The following HDAC1 variants were observed in gnomAD, a reference collection of about 807,000 sequenced individuals.
HDAC1 encodes the protein protein deacetylase HDAC1.
Under a neutral mutation model 65.5 loss-of-function variants are expected in HDAC1, and 18 were observed. The observed-to-expected ratio is 0.27, with a 90% CI of 0.19 to 0.41. The LOEUF (loss-of-function observed/expected upper bound fraction) is 0.41. HDAC1 is among the 10% of genes least tolerant of loss of function. HDAC1 has a pLI of 1.00. For missense variants in HDAC1, 373 were observed against 625.2 expected, an observed-to-expected ratio of 0.60 and a Z score of 4.30; for synonymous variants, 211 against 227.9, an observed-to-expected ratio of 0.93 and a Z score of 0.67.
chr1:32,322,657 C>T (rs1054711611), intron 3 of HDAC1, among the ~76,000 whole-genome samples: 2 of 152,204 alleles, frequency 1.3e-5, no homozygotes, highest in Non-Finnish European at 2.9e-5. Context: ...GCTTTCCTTC[C>T]TGTTTTCATT....
In HDAC1 at chr1:32,332,691, T is replaced by G. The variant is rs1173018637; in HGVS notation, c.1373-10T>G. 6.4e-7 allele frequency: 1 copy of G among 1,553,150 alleles called. No homozygotes were observed. The highest frequency in any genetic ancestry group is 8.7e-7 in the Non-Finnish European group (1 of 1,147,478). ...CTGCCCTTGGCCATCCCTGTACTCT[T>G]GTGTTCTAGAAGTCACCGAAGAGGA... On this transcript the variant is annotated splice_polypyrimidine_tract_variant and intron_variant, in intron 12 of 13. Coordinates refer to ENST00000373548, the MANE Select transcript of HDAC1 (RefSeq NM_004964.3).
chr1:32,333,162 T>A lies in HDAC1; in HGVS notation c.*118T>A. The A allele has an allele frequency of 1.1e-6, 1 of 880,554 alleles. No individual in the cohort carries two copies. The highest frequency in any genetic ancestry group is 2.0e-5 in the South Asian group (1 of 51,272). 54.5% of individuals were successfully genotyped at this position (880,554 alleles called of 1,614,324 possible). On this transcript the variant is annotated 3_prime_UTR_variant, in exon 14 of 14. Coordinates refer to ENST00000373548, the MANE Select transcript of HDAC1 (RefSeq NM_004964.3). Reference sequence around the variant, plus strand: ...TATAAAAATTTATTAAATATAAATATCCCCAGGGACAGAAACCAAGGCCCC... The same window carrying A: ...TATAAAAATTTATTAAATATAAATAACCCCAGGGACAGAAACCAAGGCCCC...
At chr1:32,305,606 C>CTT (rs796787096) in intron 2 of HDAC1, among the ~76,000 whole-genome samples, 4 of 134,592 alleles carry the variant, frequency 3.0e-5, no homozygotes, top group East Asian at 4.3e-4. Flanking sequence ...CATTGGTTGT[C>CTT]TTTTTTTTTT....
chr1:32,296,317 T>A (rs552483606), intron 1 of HDAC1, among the ~76,000 whole-genome samples: 3 of 152,094 alleles, frequency 2.0e-5, no homozygotes, highest in Non-Finnish European at 2.9e-5. Flanking sequence ...AGAAGCTAGA[T>A]TGTGGTAGAT....
chr1:32,313,906 G>A (rs1641023850), intron 2 of HDAC1, among the ~76,000 whole-genome samples: 1 of 152,194 alleles, frequency 6.6e-6, no homozygotes, highest in Non-Finnish European at 1.5e-5. Context: ...CTTGTGTTGA[G>A]CTGCGGGACA....
Position 32,329,209 on chromosome 1 carries a change from C to A in HDAC1, c.729+49C>A. 1 of 1,143,596 alleles carries A rather than the reference C, an allele frequency of 8.7e-7. No homozygotes were observed. Among genetic ancestry groups the A allele is most frequent in the Non-Finnish European group, 1.3e-6 (1 of 750,372 alleles). 70.8% of individuals were successfully genotyped at this position (1,143,596 alleles called of 1,614,324 possible). A position where few individuals can be genotyped will look rare whatever the true frequency, so the allele number is the denominator to read the frequency against. On this transcript the variant is annotated intron_variant, in intron 7 of 13. Transcript: ENST00000373548. The surrounding 1 kb of genome is among the most constrained non-coding windows in gnomAD (Gnocchi z 4.1). Reference sequence around the variant, plus strand: ...GGGCTACAAACAGGGGATTGGTTGGCGGTGGAGGGGAGCAAAGCACCCCCA... The same window carrying A: ...GGGCTACAAACAGGGGATTGGTTGGAGGTGGAGGGGAGCAAAGCACCCCCA...
At chr1:32,297,781 T>A (rs1361922167) in intron 1 of HDAC1, among the ~76,000 whole-genome samples, 1 of 114,338 alleles carries the variant, frequency 8.7e-6, no homozygotes, top group African/African-American at 3.5e-5. Flanking sequence ...TGGCTAATTT[T>A]TTTTTTTTTT....
chr1:32,299,599 T>C (rs1162615028), intron 1 of HDAC1, among the ~76,000 whole-genome samples: 6 of 152,178 alleles, frequency 3.9e-5, no homozygotes, highest in African/African-American at 1.4e-4. Flanking sequence ...TCATGCCTTT[T>C]TTTCACTGGG....
chr1:32,307,429 AT>A (rs1253064213), intron 2 of HDAC1, among the ~76,000 whole-genome samples: 1 of 152,166 alleles, frequency 6.6e-6, no homozygotes, highest in East Asian at 1.9e-4. Context: ...TGGGGCCATT[AT>A]TAAGTAAAAC....
intron 2 of HDAC1, 56 bp downstream of exon 2, chr1:32,302,789 T>C: frequency 1.2e-6 from 1 of 803,566 alleles, no homozygotes; most frequent in South Asian, 1.3e-5. Context: ...GTTCCCCATA[T>C]GCCATTCATT....
Position 32,329,154 on chromosome 1 carries a change from C to T in HDAC1, c.723C>T (p.Phe241=), listed in dbSNP as rs570282927. The change falls in exon 7 of 14, where the codon TTC becomes TTT. Residue 241 remains phenylalanine (F), a synonymous_variant. Transcript: ENST00000373548. This position sits in a 1 kb window ranked among gnomAD's most constrained non-coding sequence, Gnocchi z 4.1. ...ATGACGAGTCCTATGAGGCCATTTTCAAGCCGGTAAGTGGCTTTATCCACC... is the reference window on the plus strand; with the variant it reads ...ATGACGAGTCCTATGAGGCCATTTTTAAGCCGGTAAGTGGCTTTATCCACC... ...GIDDESYEAI[F]KPVMSKVMEM... The T allele has an allele frequency of 2.5e-6, 4 of 1,602,570 alleles. No homozygotes were observed. In the South Asian group the frequency reaches 4.4e-5, roughly 18 times the overall value.
At chr1:32,298,211 C>A (rs990046321) in intron 1 of HDAC1, among the ~76,000 whole-genome samples, 2 of 151,826 alleles carry the variant, frequency 1.3e-5, no homozygotes, top group African/African-American at 4.8e-5. Context: ...CCTCAGCCTT[C>A]CTGAGTAGCT....
chr1:32,328,920 A>G (rs1641254619), intron 6 of HDAC1, 148 bp from the exon 7 acceptor site: 2 of 655,888 alleles, frequency 3.0e-6, no homozygotes, highest in Non-Finnish European at 5.5e-6. Flanking sequence ...AGAGAATGGT[A>G]CTAACAAGGT....
intron 1 of HDAC1, among the ~76,000 whole-genome samples, chr1:32,300,314 T>C (rs1055175148): frequency 2.0e-5 from 3 of 152,122 alleles, no homozygotes; most frequent in African/African-American, 7.2e-5. Flanking sequence ...CCTAGCACTT[T>C]GGGAGGCTGA....
chr1:32,304,011 G>A (rs1158981792), intron 2 of HDAC1, among the ~76,000 whole-genome samples: 1 of 152,168 alleles, frequency 6.6e-6, no homozygotes, highest in East Asian at 1.9e-4. Flanking sequence ...ACAAGTGAAG[G>A]GTTTTAAATG....
chr1:32,296,144 C>G lies in HDAC1; in HGVS notation c.49+3926C>G, dbSNP rs76686423. 3.4e-3 allele frequency among the ~76,000 whole-genome samples: 519 copies of G among 152,192 alleles called. 3 individuals carry two copies. Among genetic ancestry groups the G allele is most frequent in the Non-Finnish European group, 5.8e-3 (397 of 68,018 alleles). Reference sequence around the variant, plus strand: ...CTTGTCTACCTCTGTATCCCCAGCACCAAAAACAATGCCTAGCTCATGGTA... The same window carrying G: ...CTTGTCTACCTCTGTATCCCCAGCAGCAAAAACAATGCCTAGCTCATGGTA... On this transcript the variant is annotated intron_variant, in intron 1 of 13. Transcript: ENST00000373548.
chr1:32,305,095 G>A (rs1187949171), intron 2 of HDAC1, among the ~76,000 whole-genome samples: 2 of 152,144 alleles, frequency 1.3e-5, no homozygotes, highest in South Asian at 2.1e-4. Context: ...ATGTTTGATT[G>A]TTATATAGAT....
chr1:32,297,653 CA>C (rs1287816556), intron 1 of HDAC1, among the ~76,000 whole-genome samples: 1 of 152,122 alleles, frequency 6.6e-6, no homozygotes, highest in Non-Finnish European at 1.5e-5. Context: ...CTCTGTCGCC[CA>C]GGCTGGAGTG....
chr1:32,316,711 A>G lies in HDAC1; in HGVS notation c.209A>G (p.Asp70Gly), dbSNP rs1461771521. The G allele has an allele frequency of 1.2e-6, 2 of 1,614,056 alleles. No homozygotes were observed. The highest frequency in any genetic ancestry group is 1.7e-6 in the Non-Finnish European group (2 of 1,179,964). Residue 70 changes from aspartate to glycine, a missense_variant, in exon 3 of 14, where the codon GAT becomes GGT. By Grantham distance (94) the Asp-to-Gly change is moderately conservative. Coordinates refer to ENST00000373548, the MANE Select transcript of HDAC1 (RefSeq NM_004964.3). ...NAEEMTKYHSDDYIKFLRSIR... is the reference protein window; with the variant it reads ...NAEEMTKYHSGDYIKFLRSIR... ...GAGGAGATGACCAAGTACCACAGCG[A>G]TGACTACATTAAATTCTTGCGCTCC...
Sources: allele counts gnomAD v4.1 joint callset (sites outside exome capture counted in the v4.1 genomes callset), GRCh38; gene constraint gnomAD v4.1.1; non-coding constraint Gnocchi (gnomAD v3.1); transcripts MANE v1.5; gene names NCBI Gene and HGNC (gene_info 2026-07-23, HGNC 2026-07-21).